Variants in ELOC observed in about 807,000 individuals in gnomAD.
The protein encoded by ELOC is elongin-C.
For missense variants in ELOC, 38 were observed against 139.0 expected (o/e 0.27, Z 3.65); for synonymous variants, 40 against 51.3 (o/e 0.78, Z 0.94).
Position 73,945,363 on chromosome 8 carries a change from C to T in ELOC, c.*1267G>A, listed in dbSNP as rs1432236502. On this transcript the variant is annotated 3_prime_UTR_variant, in exon 4 of 4. Transcript: ENST00000520242. ...CAAACTCCTGGCCTCAAGTGATCTA[C>T]CCGCCTCGTCCTCTGAAAGTGCTGG... is the stretch of plus-strand genomic sequence containing the variant. 6.6e-6 allele frequency: 1 copy of T among 152,066 alleles called. No homozygotes were observed. Among genetic ancestry groups the T allele is most frequent in the Non-Finnish European group, 1.5e-5 (1 of 68,046 alleles). 9.4% of individuals were successfully genotyped at this position (152,066 alleles called of 1,614,324 possible).
At chr8:73,970,736 T>A (rs905546613) in intron 1 of ELOC, 1 of 151,906 alleles carries the variant, frequency 6.6e-6, no homozygotes, top group Admixed American at 6.6e-5. Context: ...AAAGCAAATA[T>A]GGAGCCAAGC....
intron 1 of ELOC, among the ~76,000 whole-genome samples, chr8:73,962,434 G>A (rs1814667774): frequency 6.6e-6 from 1 of 152,080 alleles, no homozygotes. Flanking sequence ...AACAGCTACT[G>A]ATGTAAATCC....
intron 3 of ELOC, among the ~76,000 whole-genome samples, chr8:73,947,402 A>T (rs1813449675): frequency 6.6e-6 from 1 of 152,040 alleles, no homozygotes; most frequent in Admixed American, 6.6e-5. Flanking sequence ...GAAGAGACCA[A>T]CTCTACTTTC....
intron 3 of ELOC, among the ~76,000 whole-genome samples, chr8:73,953,642 G>GA (rs1306596311): frequency 2.6e-5 from 4 of 151,202 alleles, no homozygotes; most frequent in Non-Finnish European, 4.4e-5. Context: ...CCTGGGCAAC[G>GA]AGAGTGAAAC....
intron 1 of ELOC, among the ~76,000 whole-genome samples, chr8:73,964,020 G>C (rs1256302259): frequency 6.6e-6 from 1 of 150,386 alleles, no homozygotes; most frequent in Non-Finnish European, 1.5e-5. Context: ...TTGAACCCAG[G>C]AGGCGGAGGT....
chr8:73,952,035 G>C (rs1813804665), intron 3 of ELOC, among the ~76,000 whole-genome samples: 1 of 152,124 alleles, frequency 6.6e-6, no homozygotes, highest in Non-Finnish European at 1.5e-5. Context: ...CTAAATTTAA[G>C]AGCCAAACCC....
chr8:73,968,541 C>T (rs1187746711), intron 1 of ELOC, among the ~76,000 whole-genome samples: 6 of 152,174 alleles, frequency 3.9e-5, no homozygotes, highest in Non-Finnish European at 8.8e-5. Context: ...TTAACAGAAC[C>T]TTTCGAAAGA....
chr8:73,967,696 G>A (rs532293672), intron 1 of ELOC, among the ~76,000 whole-genome samples: 61 of 152,194 alleles, frequency 4.0e-4, no homozygotes, highest in African/African-American at 1.4e-3. Flanking sequence ...TCAAACTCCT[G>A]ACCTCTGGTA....
At chr8:73,959,437 T>C (rs1448019953) in intron 2 of ELOC, among the ~76,000 whole-genome samples, 1 of 152,232 alleles carries the variant, frequency 6.6e-6, no homozygotes, top group African/African-American at 2.4e-5. Flanking sequence ...TAATTTTTGT[T>C]CTTTTTAAAT....
At chr8:73,971,163 T>C (rs1292477077) in intron 1 of ELOC, among the ~76,000 whole-genome samples, 1 of 152,114 alleles carries the variant, frequency 6.6e-6, no homozygotes, top group African/African-American at 2.4e-5. Flanking sequence ...CCCAGCACTT[T>C]GGGAGGCCGA....
intron 3 of ELOC, among the ~76,000 whole-genome samples, chr8:73,953,860 A>T (rs1813952514): frequency 6.6e-6 from 1 of 152,186 alleles, no homozygotes; most frequent in Non-Finnish European, 1.5e-5. Context: ...AAAGAACTCA[A>T]AGCAGGTATT....
chr8:73,962,714 C>G (rs935507127), intron 1 of ELOC, among the ~76,000 whole-genome samples: 1 of 152,152 alleles, frequency 6.6e-6, no homozygotes, highest in African/African-American at 2.4e-5. Flanking sequence ...AATGCAAAGT[C>G]ACATCTTAGG....
In ELOC at chr8:73,945,871, A is replaced by ATG. The variant is rs1178948107; in HGVS notation, c.*757_*758dup. ...GGAAGTATAATCACAACAAGGGACT[A>ATG]TGAAGGAAGAATAAATATTGCAAAC... On this transcript the variant is annotated 3_prime_UTR_variant, in exon 4 of 4. Transcript: ENST00000520242. 3.3e-5 allele frequency: 5 copies of ATG among 152,034 alleles called. No homozygotes were observed. The highest frequency in any genetic ancestry group is 7.3e-5 in the Non-Finnish European group (5 of 68,034). 9.4% of individuals were successfully genotyped at this position (152,034 alleles called of 1,614,324 possible).
Position 73,956,047 on chromosome 8 carries a change from C to T in ELOC, c.12G>A (p.Glu4=), listed in dbSNP as rs867507749. 2 of 1,611,852 alleles carry T rather than the reference C, an allele frequency of 1.2e-6. No homozygotes were observed. Among genetic ancestry groups the T allele is most frequent in the South Asian group, 2.2e-5 (2 of 90,894 alleles). The change falls in exon 3 of 4, where the codon GAG becomes GAA. Residue 4 remains glutamate (E), a synonymous_variant. Coordinates refer to ENST00000520242, the MANE Select transcript of ELOC (RefSeq NM_005648.4). Reference sequence around the variant, plus strand: ...CTTCACAGCCACCATAGGTTTTCTCCTCTCCATCTAAAGTAAAGTAAGTAG... The same window carrying T: ...CTTCACAGCCACCATAGGTTTTCTCTTCTCCATCTAAAGTAAAGTAAGTAG... MDG[E]EKTYGGCEGP... is the part of the protein sequence containing the mutation.
chr8:73,963,220 A>G (rs564223357), intron 1 of ELOC, among the ~76,000 whole-genome samples: 130 of 152,232 alleles, frequency 8.5e-4, no homozygotes, highest in African/African-American at 2.9e-3. Context: ...TAGGGCCTAC[A>G]CTGAAATTAA....
rs527808767 is a variant in ELOC at position 73,968,516 on chromosome 8, C to T, written c.-51+3561G>A. ...TTCCCAACATATAATGTGTATTAAT[C>T]ATAGATTCTACATATTAACAGAACC... On this transcript the variant is annotated intron_variant, in intron 1 of 3. Transcript: ENST00000520242. Among the ~76,000 whole-genome samples the T allele has an allele frequency of 2.0e-5, 3 of 152,334 alleles. No individual in the cohort carries two copies. In the South Asian group the frequency reaches 6.2e-4, roughly 32 times the overall value.
intron 2 of ELOC, among the ~76,000 whole-genome samples, chr8:73,957,936 G>A (rs754070215): frequency 1.3e-5 from 2 of 151,552 alleles, no homozygotes; most frequent in East Asian, 1.9e-4. Context: ...CCACCACCAC[G>A]GCTGGCTAAT....
intron 1 of ELOC, among the ~76,000 whole-genome samples, chr8:73,971,135 G>A (rs940706153): frequency 6.6e-6 from 1 of 152,144 alleles, no homozygotes; most frequent in African/African-American, 2.4e-5. Flanking sequence ...GCCAGGCGCG[G>A]TGGCTCACGC....
intron 1 of ELOC, among the ~76,000 whole-genome samples, chr8:73,970,857 A>C (rs1342640395): frequency 7.8e-4 from 109 of 139,756 alleles, no homozygotes; most frequent in Admixed American, 5.2e-4. Flanking sequence ...TCTACTAAAA[A>C]ACAAAACAAA....
Sources: allele counts gnomAD v4.1 joint callset (sites outside exome capture counted in the v4.1 genomes callset), GRCh38; gene constraint gnomAD v4.1.1; transcripts MANE v1.5; gene names NCBI Gene and HGNC (gene_info 2026-07-23, HGNC 2026-07-21).